KCNIP1: variants seen among roughly 807,000 people sequenced by gnomAD.
The protein encoded by KCNIP1 is A-type potassium channel modulatory protein KCNIP1.
Under a neutral mutation model 33.0 loss-of-function variants are expected in KCNIP1, and 18 were observed. The observed-to-expected ratio is 0.55, with a 90% CI of 0.38 to 0.81. The LOEUF is 0.81. KCNIP1 is among the 30% of genes least tolerant of loss of function. KCNIP1 has a pLI of 0.00. For missense variants in KCNIP1, 238 were observed against 271.6 expected, an observed-to-expected ratio of 0.88 and a Z score of 0.87; for synonymous variants, 93 against 98.3, an observed-to-expected ratio of 0.95 and a Z score of 0.32.
intron 1 of KCNIP1, among the ~76,000 whole-genome samples, chr5:170,524,893 G>A (rs1473037270): frequency 6.6e-6 from 1 of 152,152 alleles, no homozygotes; most frequent in Non-Finnish European, 1.5e-5. Context: ...GCTGACTAGT[G>A]GTGAGAGGGA....
intron 1 of KCNIP1, among the ~76,000 whole-genome samples, chr5:170,534,364 T>C (rs2113355666): frequency 6.6e-6 from 1 of 152,160 alleles, no homozygotes; most frequent in East Asian, 1.9e-4. Context: ...AAGGATCACC[T>C]GAGCAGGGTA....
intron 2 of KCNIP1, 97 bp from the exon 3 acceptor site, chr5:170,720,224 G>T: frequency 1.2e-6 from 1 of 834,992 alleles, no homozygotes; most frequent in Non-Finnish European, 2.1e-6. Context: ...CCCTGTCCCT[G>T]GGGATCATGA....
chr5:170,553,084 G>A (rs73315322), intron 1 of KCNIP1, among the ~76,000 whole-genome samples: 10,917 of 152,252 alleles, frequency 0.072, 1,268 homozygotes, highest in African/African-American at 0.24. Context: ...GGGGGAGAGA[G>A]GAGGGGAAAA....
intron 1 of KCNIP1, among the ~76,000 whole-genome samples, chr5:170,456,136 A>G (rs1252270108): frequency 6.6e-6 from 1 of 152,272 alleles, no homozygotes; most frequent in East Asian, 1.9e-4. Flanking sequence ...GCCATAAAAA[A>G]GAATGAGTTT....
upstream of KCNIP1, among the ~76,000 whole-genome samples, chr5:170,503,393 C>CA (rs10628243): frequency 0.12 from 13,941 of 112,422 alleles, 1,179 homozygotes; most frequent in Middle Eastern, 0.25. Context: ...GACTCCGTCT[C>CA]AAAAAAAAAA....
At chr5:170,440,495 T>G (rs1440543935) in intron 1 of KCNIP1, among the ~76,000 whole-genome samples, 1 of 152,122 alleles carries the variant, frequency 6.6e-6, no homozygotes. Flanking sequence ...CTGAAGGAAA[T>G]TGATTCCCAG....
chr5:170,377,749 T>C (rs1764065970), intron 1 of KCNIP1: 1 of 152,158 alleles, frequency 6.6e-6, no homozygotes, highest in Admixed American at 6.5e-5. Flanking sequence ...ATTTTTTGTA[T>C]TTTTAGTAGA....
intron 1 of KCNIP1, among the ~76,000 whole-genome samples, chr5:170,367,353 GAAAGAAAGAAA>G (rs1763694775): frequency 9.8e-5 from 4 of 40,952 alleles, no homozygotes; most frequent in South Asian, 7.8e-4. Context: ...GAAAGAAAAA[GAAAGAAAGAAA>G]GAAAGAAAGA....
chr5:170,658,494 A>T (rs1761355983), intron 1 of KCNIP1, among the ~76,000 whole-genome samples: 1 of 152,226 alleles, frequency 6.6e-6, no homozygotes, highest in African/African-American at 2.4e-5. Flanking sequence ...GAGTTTCAAC[A>T]TGAGTTTTTG....
intron 1 of KCNIP1, among the ~76,000 whole-genome samples, chr5:170,636,738 G>T (rs552804782): frequency 2.6e-5 from 4 of 152,044 alleles, no homozygotes; most frequent in Non-Finnish European, 5.9e-5. Context: ...TCAAGGTGGG[G>T]GTCAGAAAAT....
chr5:170,432,741 C>T, intron 1 of KCNIP1, among the ~76,000 whole-genome samples: 1 of 152,194 alleles, frequency 6.6e-6, no homozygotes, highest in East Asian at 1.9e-4. Flanking sequence ...CGGGCTCTTT[C>T]CCTACATTTT....
At chr5:170,412,310 T>C (rs1272490585) in intron 1 of KCNIP1, among the ~76,000 whole-genome samples, 40 of 151,952 alleles carry the variant, frequency 2.6e-4, no homozygotes, top group Admixed American at 2.6e-3. Flanking sequence ...GGAGAAAAGA[T>C]GGGAGAAGCC....
At chr5:170,615,467 A>G (rs1013750127) in intron 1 of KCNIP1, among the ~76,000 whole-genome samples, 4 of 152,244 alleles carry the variant, frequency 2.6e-5, no homozygotes, top group Admixed American at 6.5e-5. Flanking sequence ...AGTTTCTGCA[A>G]TCATGGAGCT....
In KCNIP1 at chr5:170,481,397, C is replaced by A. The variant is rs1756973945; in HGVS notation, c.88+127433C>A. On this transcript the variant is annotated intron_variant, in intron 1 of 7. Coordinates refer to the KCNIP1 transcript ENST00000377360. Reference sequence around the variant, plus strand: ...GTGGTGGGCATTAGTACTACTCCTGCTGCTGCTGCTGCTGCTGCTGCTGTG... The same window carrying A: ...GTGGTGGGCATTAGTACTACTCCTGATGCTGCTGCTGCTGCTGCTGCTGTG... 3.0e-5 allele frequency among the ~76,000 whole-genome samples: 3 copies of A among 98,998 alleles called. No homozygotes were observed. The South Asian group carries it at 7.4e-4, about 24-fold the overall frequency. 64.9% of individuals were successfully genotyped at this position (98,998 alleles called of 152,430 possible).
At chr5:170,361,738 A>T (rs1448254385) in intron 1 of KCNIP1, among the ~76,000 whole-genome samples, 1 of 152,226 alleles carries the variant, frequency 6.6e-6, no homozygotes, top group African/African-American at 2.4e-5. Context: ...GCTTACAGAC[A>T]GCATCTCCTG....
intron 1 of KCNIP1, among the ~76,000 whole-genome samples, chr5:170,464,470 T>C (rs889104000): frequency 6.6e-6 from 1 of 152,222 alleles, no homozygotes; most frequent in African/African-American, 2.4e-5. Context: ...AAGTCCATCT[T>C]GCACTTCCTG....
chr5:170,620,971 A>G (rs1295275725), intron 1 of KCNIP1, among the ~76,000 whole-genome samples: 3 of 151,952 alleles, frequency 2.0e-5, no homozygotes, highest in East Asian at 1.9e-4. Context: ...GGAGTCTGCT[A>G]TGTGTTAGAG....
chr5:170,408,049 C>G (rs185965431), intron 1 of KCNIP1, among the ~76,000 whole-genome samples: 13 of 152,302 alleles, frequency 8.5e-5, no homozygotes, highest in Admixed American at 7.8e-4. Context: ...TTTTTAGCTT[C>G]TAGAACAGAT....
chr5:170,703,486 A>G (rs1359427177), intron 1 of KCNIP1, among the ~76,000 whole-genome samples: 1 of 138,148 alleles, frequency 7.2e-6, no homozygotes, highest in Non-Finnish European at 1.5e-5. Context: ...AAATGAAGTG[A>G]AACAGACCAG....
Sources: gnomAD v4.1 joint callset for allele counts (sites outside exome capture counted in the v4.1 genomes callset) on GRCh38, gnomAD v4.1.1 for gene constraint, MANE v1.5 for transcripts, NCBI Gene and HGNC (gene_info 2026-07-23, HGNC 2026-07-21) for gene names.